CHN2: variants seen among roughly 807,000 people sequenced by gnomAD.
The protein encoded by CHN2 is chimerin 2.
Under a neutral mutation model 56.3 loss-of-function variants are expected in CHN2, and 35 were observed. That is an observed-to-expected ratio of 0.62 (90% confidence interval 0.47 to 0.82). CHN2 has a LOEUF of 0.82. CHN2 is among the 40% of genes least tolerant of loss of function. The pLI is 0.00. For synonymous variants in CHN2, 210 were observed against 212.8 expected (o/e 0.99, Z 0.12); for missense variants, 491 against 580.5 (o/e 0.85, Z 1.58).
chr7:29,480,040 C>G, intron 6 of CHN2: 2 of 1,531,536 alleles, frequency 1.3e-6, no homozygotes, highest in South Asian at 1.2e-5. Flanking sequence ...AGCTGCGGTT[C>G]GAAAATCCTG....
chr7:29,318,309 A>T (rs962896464), intron 1 of CHN2, among the ~76,000 whole-genome samples: 2 of 152,214 alleles, frequency 1.3e-5, no homozygotes, highest in African/African-American at 4.8e-5. Context: ...ATTGGCCTAC[A>T]TATTGTCTCT....
At position 29,493,631 on chromosome 7, in the gene CHN2, A is replaced by G. The variant is rs533149549; in HGVS notation, c.655-2321A>G. On this transcript the variant is annotated intron_variant, in intron 7 of 12. Transcript: ENST00000222792. ...TGGTATCATCATTTACCTAGTTCCT[A>G]AGCTAGAATCTCAGAGTCATTCTTG... Among the ~76,000 whole-genome samples the G allele has an allele frequency of 2.6e-5, 4 of 152,176 alleles. No homozygotes were observed. The South Asian group carries it at 6.2e-4, about 24-fold the overall frequency.
intron 1 of CHN2, among the ~76,000 whole-genome samples, chr7:29,318,904 C>T (rs898252605): frequency 3.3e-5 from 5 of 152,178 alleles, no homozygotes; most frequent in African/African-American, 1.2e-4. Flanking sequence ...TTTAGCTTGA[C>T]TCTTATGGCT....
intron 4 of CHN2, among the ~76,000 whole-genome samples, chr7:29,396,458 C>A (rs1276789127): frequency 1.8e-5 from 1 of 56,848 alleles, no homozygotes; most frequent in Non-Finnish European, 3.2e-5. Context: ...GAGACTCTCT[C>A]CAAAAAAAAA....
chr7:29,305,806 T>TCCTCCTCGTCTTTCTCCTCCTCCC (rs1554397346), intron 1 of CHN2, among the ~76,000 whole-genome samples: 7 of 98,574 alleles, frequency 7.1e-5, no homozygotes, highest in Non-Finnish European at 1.7e-4. Context: ...TCCCGTTCCT[T>TCCTCCTCGTCTTTCTCCTCCTCCC]CCTCCTCGTC....
At chr7:29,211,688 C>T (rs1784972003) in intron 1 of CHN2, among the ~76,000 whole-genome samples, 2 of 152,148 alleles carry the variant, frequency 1.3e-5, no homozygotes, top group African/African-American at 4.8e-5. Context: ...AAAGATGTAG[C>T]AGATTCAGTT....
Position 29,357,114 on chromosome 7 carries a change from C to G in CHN2, c.88+2451C>G, listed in dbSNP as rs1166959200. Among the ~76,000 whole-genome samples, 3 of 152,208 alleles carry G rather than the reference C, an allele frequency of 2.0e-5. No homozygotes were observed. The East Asian group carries it at 5.8e-4, about 29-fold the overall frequency. On this transcript the variant is annotated intron_variant, in intron 2 of 12. Coordinates refer to ENST00000222792, the MANE Select transcript of CHN2 (RefSeq NM_004067.4). ...TGAGGAAGCTGGAAAATCCTTGCTA[C>G]TTAAATTTAACAGTATCAATTTTAA...
chr7:29,487,709 C>T (rs1314585821), intron 7 of CHN2, among the ~76,000 whole-genome samples: 1 of 151,952 alleles, frequency 6.6e-6, no homozygotes, highest in Non-Finnish European at 1.5e-5. Context: ...CCCCTCCCTC[C>T]TTCCTTTCCC....
chr7:29,413,409 A>G (rs138768953), intron 6 of CHN2, among the ~76,000 whole-genome samples: 27 of 152,352 alleles, frequency 1.8e-4, no homozygotes, highest in African/African-American at 6.5e-4. Context: ...AAGCAGTTAT[A>G]TTTTACCACA....
intron 6 of CHN2, among the ~76,000 whole-genome samples, chr7:29,450,774 ACTT>A (rs1784347532): frequency 1.4e-5 from 2 of 141,440 alleles, no homozygotes; most frequent in South Asian, 2.2e-4. Context: ...TTACTTCATT[ACTT>A]CTTTTTTTTT....
rs1280594490 is a variant in CHN2 at position 29,513,220 on chromosome 7, T to TGGTTATTACCCTGTGTACCTTGTCCCTCA, written c.*486_*514dup. 1 of 155,108 alleles carries TGGTTATTACCCTGTGTACCTTGTCCCTCA rather than the reference T, an allele frequency of 6.4e-6. No homozygotes were observed. The highest frequency in any genetic ancestry group is 2.4e-5 in the African/African-American group (1 of 41,468). 9.6% of individuals were successfully genotyped at this position (155,108 alleles called of 1,614,324 possible). ...GCAAATAGAACTCAATGCAGTGCAT[T>TGGTTATTACCCTGTGTACCTTGTCCCTCA]GGTTATTACCCTGTGTACCTTGTCC... On this transcript the variant is annotated 3_prime_UTR_variant, in exon 13 of 13. Coordinates refer to ENST00000222792, the MANE Select transcript of CHN2 (RefSeq NM_004067.4).
chr7:29,494,479 T>G (rs2128566426), intron 7 of CHN2, among the ~76,000 whole-genome samples: 1 of 152,290 alleles, frequency 6.6e-6, no homozygotes, highest in African/African-American at 2.4e-5. Context: ...GCATTCAATC[T>G]TGGTAGGCCT....
At chr7:29,424,543 C>T (rs1373032334) in intron 6 of CHN2, among the ~76,000 whole-genome samples, 1 of 152,200 alleles carries the variant, frequency 6.6e-6, no homozygotes, top group Non-Finnish European at 1.5e-5. Context: ...TGTTGACTCT[C>T]TAAATAGTCA....
chr7:29,236,828 C>T (rs1018187428), intron 1 of CHN2, among the ~76,000 whole-genome samples: 2 of 152,206 alleles, frequency 1.3e-5, no homozygotes, highest in Non-Finnish European at 2.9e-5. Context: ...CATGGCCCCA[C>T]ATCACCCTCA....
intron 1 of CHN2, among the ~76,000 whole-genome samples, chr7:29,255,599 G>A (rs1452660744): frequency 6.6e-6 from 1 of 152,174 alleles, no homozygotes; most frequent in Non-Finnish European, 1.5e-5. Flanking sequence ...TGTGATACAG[G>A]CAATGGGACA....
chr7:29,391,996 TAAG>T (rs1801406135), intron 3 of CHN2, among the ~76,000 whole-genome samples: 2 of 152,148 alleles, frequency 1.3e-5, no homozygotes, highest in East Asian at 1.9e-4. Flanking sequence ...TTTAGGGAAA[TAAG>T]AAGATACAGG....
intron 1 of CHN2, among the ~76,000 whole-genome samples, chr7:29,350,623 G>T (rs10230232): frequency 2.6e-5 from 4 of 151,904 alleles, no homozygotes; most frequent in African/African-American, 9.7e-5. Flanking sequence ...TCCAGATCTG[G>T]GGGCAAGAAT....
intron 1 of CHN2, among the ~76,000 whole-genome samples, chr7:29,201,732 C>A (rs1009312455): frequency 1.3e-5 from 2 of 152,138 alleles, no homozygotes; most frequent in Non-Finnish European, 2.9e-5. Context: ...TACACAGACA[C>A]AAAACATTTT....
At chr7:29,421,171 G>A (rs770921260) in intron 6 of CHN2, among the ~76,000 whole-genome samples, 2 of 152,160 alleles carry the variant, frequency 1.3e-5, no homozygotes, top group Non-Finnish European at 2.9e-5. Context: ...CACCTTTCTT[G>A]TACTTTCAAT....
Sources: gnomAD v4.1 joint callset for allele counts (sites outside exome capture counted in the v4.1 genomes callset) on GRCh38, gnomAD v4.1.1 for gene constraint, MANE v1.5 for transcripts, NCBI Gene and HGNC (gene_info 2026-07-23, HGNC 2026-07-21) for gene names.